Variants in PRDM16 observed in about 807,000 individuals in gnomAD.
The protein encoded by PRDM16 is histone-lysine N-methyltransferase PRDM16.
Under a neutral mutation model 110.6 loss-of-function variants are expected in PRDM16, and 23 were observed. The ratio of observed to expected loss-of-function variants is 0.21; its 90% CI spans 0.15 to 0.29. The LOEUF is 0.29. Ranked by LOEUF, PRDM16 falls within the 10% of genes least tolerant of loss-of-function variation. PRDM16 has a pLI of 1.00. For missense variants in PRDM16, 1,615 were observed against 1,794.3 expected (o/e 0.90, Z 1.81); for synonymous variants, 799 against 781.8 (o/e 1.02, Z -0.37).
intron 1 of PRDM16, among the ~76,000 whole-genome samples, chr1:3,112,827 G>A (rs1642827763): frequency 6.6e-6 from 1 of 152,262 alleles, no homozygotes; most frequent in South Asian, 2.1e-4. Flanking sequence ...GAGGCAAAGG[G>A]GTGGGCAGCC....
chr1:3,329,086 C>A (rs1191232666), intron 3 of PRDM16, among the ~76,000 whole-genome samples: 1 of 150,032 alleles, frequency 6.7e-6, no homozygotes, highest in Non-Finnish European at 1.5e-5. Flanking sequence ...CCCCTGGACC[C>A]CTCTTCCACT....
In PRDM16 at chr1:3,148,122, T is replaced by C. The variant is rs1439625112; in HGVS notation, c.38-38003T>C. 6.6e-6 allele frequency among the ~76,000 whole-genome samples: 1 copy of C among 151,768 alleles called. No individual in the cohort carries two copies. The highest frequency in any genetic ancestry group is 1.5e-5 in the Non-Finnish European group (1 of 67,908). On this transcript the variant is annotated intron_variant, in intron 1 of 16. Transcript: ENST00000270722. The surrounding 1 kb of genome is among the most constrained non-coding windows in gnomAD (Gnocchi z 5.0). Reference sequence around the variant, plus strand: ...CGCCTCAGTTGCAGGTGGTGGGGTGTGGTTGGGCATCAGGACGGTTTTGTG... The same window carrying C: ...CGCCTCAGTTGCAGGTGGTGGGGTGCGGTTGGGCATCAGGACGGTTTTGTG...
At chr1:3,181,237 TAC>T (rs138543974) in intron 1 of PRDM16, among the ~76,000 whole-genome samples, 457 of 66,596 alleles carry the variant, frequency 6.9e-3, no homozygotes, top group Middle Eastern at 0.029. Flanking sequence ...CACACGGTCT[TAC>T]ACACAGTCTT....
At chr1:3,395,233 G>C (rs987569529) in intron 4 of PRDM16, among the ~76,000 whole-genome samples, 14 of 152,186 alleles carry the variant, frequency 9.2e-5, no homozygotes, top group Non-Finnish European at 1.9e-4. Flanking sequence ...TGTCTCGGGG[G>C]TGCCCAGCTG....
At chr1:3,125,296 C>T (rs1643181950) in intron 1 of PRDM16, among the ~76,000 whole-genome samples, 1 of 152,274 alleles carries the variant, frequency 6.6e-6, no homozygotes, top group South Asian at 2.1e-4. Flanking sequence ...GCTGGAGAGG[C>T]CTCAGAGCTG....
intron 1 of PRDM16, among the ~76,000 whole-genome samples, chr1:3,099,973 C>A (rs1642493917): frequency 6.6e-6 from 1 of 152,150 alleles, no homozygotes; most frequent in Non-Finnish European, 1.5e-5. Context: ...CCAGGAGGCA[C>A]CTATGAGATG....
intron 3 of PRDM16, among the ~76,000 whole-genome samples, chr1:3,335,579 A>G (rs1642126753): frequency 6.8e-6 from 1 of 147,466 alleles, no homozygotes; most frequent in Non-Finnish European, 1.5e-5. Flanking sequence ...GATATCTGAA[A>G]TCTAACCTTT....
In PRDM16 at chr1:3,209,588, AG is replaced by A. The variant is rs528680515; in HGVS notation, c.387+23115del. On this transcript the variant is annotated intron_variant, in intron 2 of 16. Transcript: ENST00000270722. This position sits in a 1 kb window ranked among gnomAD's most constrained non-coding sequence, Gnocchi z 4.6. ...TCCCTGTGGGTGCGCGTGGAAGCTG[AG>A]CGCCTCAGTGGAATGTCCTGGAACC... Among the ~76,000 whole-genome samples the A allele has an allele frequency of 3.1e-3, 466 of 152,340 alleles. 4 individuals carry two copies. The highest frequency in any genetic ancestry group is 0.01 in the Middle Eastern group (3 of 294).
At chr1:3,404,477 C>A (rs779707448) in intron 6 of PRDM16, among the ~76,000 whole-genome samples, 2 of 152,236 alleles carry the variant, frequency 1.3e-5, no homozygotes, top group Non-Finnish European at 2.9e-5. Context: ...TGCCTCCAGC[C>A]GCCCTGGGGG....
At chr1:3,369,560 A>G (rs569365726) in intron 3 of PRDM16, among the ~76,000 whole-genome samples, 2 of 152,328 alleles carry the variant, frequency 1.3e-5, no homozygotes, top group African/African-American at 2.4e-5. Flanking sequence ...GATTCGTTCC[A>G]GTTCACGGGC....
intron 15 of PRDM16, 24 bp downstream of exon 15, chr1:3,431,132 G>T (rs925326807): frequency 1.9e-6 from 3 of 1,546,770 alleles, no homozygotes; most frequent in African/African-American, 2.7e-5. Context: ...TGTGCTCCAG[G>T]ATGGGGCAGG....
chr1:3,166,178 C>G (rs1048421241), intron 1 of PRDM16, among the ~76,000 whole-genome samples: 35 of 152,360 alleles, frequency 2.3e-4, no homozygotes, highest in Non-Finnish European at 4.6e-4. Flanking sequence ...ATTTCCAAGC[C>G]TGGCTTTTTC....
At chr1:3,173,038 G>C (rs891250022) in intron 1 of PRDM16, among the ~76,000 whole-genome samples, 4 of 152,212 alleles carry the variant, frequency 2.6e-5, no homozygotes, top group African/African-American at 9.6e-5. Context: ...AACACCGCCT[G>C]GTATTTGAGG....
At chr1:3,132,452 A>G (rs946804203) in intron 1 of PRDM16, among the ~76,000 whole-genome samples, 1 of 152,148 alleles carries the variant, frequency 6.6e-6, no homozygotes, top group Non-Finnish European at 1.5e-5. Flanking sequence ...AGGGGCACAC[A>G]TGGCCGGCCA....
At chr1:3,395,837 G>T (rs541780493) in intron 4 of PRDM16, among the ~76,000 whole-genome samples, 95 of 152,338 alleles carry the variant, frequency 6.2e-4, no homozygotes, top group Non-Finnish European at 1.0e-3. Flanking sequence ...CTCGCCCCCA[G>T]GGCTTGACCA....
At chr1:3,281,712 A>G (rs1350970852) in intron 3 of PRDM16, among the ~76,000 whole-genome samples, 1 of 152,226 alleles carries the variant, frequency 6.6e-6, no homozygotes, top group African/African-American at 2.4e-5. Flanking sequence ...TTGACTAGCT[A>G]TGATCGGTTT....
intron 3 of PRDM16, among the ~76,000 whole-genome samples, chr1:3,274,464 G>C (rs1640536858): frequency 6.6e-6 from 1 of 152,166 alleles, no homozygotes; most frequent in African/African-American, 2.4e-5. Context: ...ATTACTGCTG[G>C]CATGGGCTCT....
chr1:3,390,656 G>A lies in PRDM16; in HGVS notation c.573+5370G>A, dbSNP rs1054111653. Among the ~76,000 whole-genome samples, 9 of 152,124 alleles carry A rather than the reference G, an allele frequency of 5.9e-5. No individual in the cohort carries two copies. Among genetic ancestry groups the A allele is most frequent in the East Asian group, 1.9e-4 (1 of 5,164 alleles). On this transcript the variant is annotated intron_variant, in intron 4 of 16. Transcript: ENST00000270722. This position sits in a 1 kb window ranked among gnomAD's most constrained non-coding sequence, Gnocchi z 5.0. The stretch of plus-strand genomic sequence containing the variant: ...GAACCAGGTGTCTCTCGGGTCGGCG[G>A]AGGGCATTTCTCTTTTGCTTTGCTG...
At chr1:3,355,636 G>A (rs527358004) in intron 3 of PRDM16, among the ~76,000 whole-genome samples, 7 of 152,228 alleles carry the variant, frequency 4.6e-5, no homozygotes, top group South Asian at 2.1e-4. Flanking sequence ...TGGGGGGACC[G>A]CTATCCTGGC....
Sources: allele counts gnomAD v4.1 joint callset (sites outside exome capture counted in the v4.1 genomes callset), GRCh38; gene constraint gnomAD v4.1.1; non-coding constraint Gnocchi (gnomAD v3.1); transcripts MANE v1.5; gene names NCBI Gene and HGNC (gene_info 2026-07-23, HGNC 2026-07-21).